DNASE1: variants seen among roughly 807,000 people sequenced by gnomAD.
The protein encoded by DNASE1 is deoxyribonuclease-1.
DNASE1 carries 40 observed loss-of-function variants against 33.9 expected under a neutral mutation model. The observed-to-expected ratio is 1.18, with a 90% CI of 0.92 to 1.54. The LOEUF (loss-of-function observed/expected upper bound fraction) is 1.54. Among genes scored for constraint, DNASE1 ranks in the 40% most tolerant of loss-of-function variants. DNASE1 has a pLI of 0.00. For synonymous variants in DNASE1, 216 were observed against 160.0 expected (o/e 1.35, Z -2.64); for missense variants, 518 against 372.6 (o/e 1.39, Z -3.21).
At chr16:3,636,078 C>T (rs975743850) in intron 1 of DNASE1, among the ~76,000 whole-genome samples, 1 of 152,076 alleles carries the variant, frequency 6.6e-6, no homozygotes, top group African/African-American at 2.4e-5. Context: ...ATATTTATGC[C>T]TTTCTAATTG....
At chr16:3,642,312 G>A (rs146364680), upstream of DNASE1, among the ~76,000 whole-genome samples, 598 of 152,348 alleles carry the variant, frequency 3.9e-3, 3 homozygotes, top group African/African-American at 0.014. Context: ...CCATCCTTGG[G>A]CACTCCTGTG....
chr16:3,662,971 CGGAAGA>C (rs1567221821), downstream of DNASE1: 1 of 1,605,852 alleles, frequency 6.2e-7, no homozygotes, highest in Non-Finnish European at 8.5e-7. Context: ...TCGGCGGCTG[CGGAAGA>C]GCAGGCGACA....
chr16:3,662,464 T>G, downstream of DNASE1: 1 of 523,904 alleles, frequency 1.9e-6, no homozygotes, highest in Middle Eastern at 2.9e-4. Flanking sequence ...GGACGCTCAT[T>G]TCTCACTCTG....
downstream of DNASE1, chr16:3,663,058 T>A (rs1233430500): frequency 1.1e-5 from 11 of 971,324 alleles, no homozygotes; most frequent in Admixed American, 1.0e-4. Context: ...AGCTCCCACC[T>A]CCTCTCCCAC....
intron 2 of DNASE1, 108 bp downstream of exon 2, chr16:3,655,628 GCAC>G: frequency 6.5e-7 from 1 of 1,540,588 alleles, no homozygotes; most frequent in South Asian, 1.1e-5. Flanking sequence ...GGGGTACTGA[GCAC>G]CACTGCTCCC....
At chr16:3,646,843 C>T (rs556227980) in intron 1 of DNASE1, among the ~76,000 whole-genome samples, 5 of 151,854 alleles carry the variant, frequency 3.3e-5, no homozygotes, top group African/African-American at 4.8e-5. Context: ...GTGCATGGTG[C>T]GGGCGGGGCT....
At chr16:3,643,857 G>C (rs1214098988) in intron 1 of DNASE1, among the ~76,000 whole-genome samples, 1 of 152,130 alleles carries the variant, frequency 6.6e-6, no homozygotes, top group Non-Finnish European at 1.5e-5. Context: ...TGCCATCCGG[G>C]TTCACGCCAT....
At chr16:3,645,326 C>T (rs560385087) in intron 1 of DNASE1, among the ~76,000 whole-genome samples, 1 of 152,146 alleles carries the variant, frequency 6.6e-6, no homozygotes, top group Non-Finnish European at 1.5e-5. Flanking sequence ...GAGGTGGCTT[C>T]GGAATTGGGG....
At chr16:3,655,670 G>A (rs2042558912) in intron 2 of DNASE1, 150 bp downstream of exon 2, 1 of 1,432,836 alleles carries the variant, frequency 7.0e-7, no homozygotes, top group Admixed American at 1.8e-5. Flanking sequence ...CTTGGCTGTG[G>A]ACCAAGGTCC....
chr16:3,649,577 T>G (rs1231507322), intron 1 of DNASE1, among the ~76,000 whole-genome samples: 2 of 152,218 alleles, frequency 1.3e-5, no homozygotes, highest in Non-Finnish European at 2.9e-5. Flanking sequence ...TTATATTCAG[T>G]AAAGTAGGAA....
At chr16:3,662,725 C>T (rs569106160), downstream of DNASE1, 24 of 728,556 alleles carry the variant, frequency 3.3e-5, no homozygotes, top group Middle Eastern at 4.5e-4. Flanking sequence ...CCGAGCAACA[C>T]GTGCCGAGCA....
intron 1 of DNASE1, among the ~76,000 whole-genome samples, chr16:3,649,667 A>G (rs1247030711): frequency 6.6e-6 from 1 of 152,214 alleles, no homozygotes; most frequent in Non-Finnish European, 1.5e-5. Context: ...TTAAGGTTCA[A>G]TAATTATTTT....
chr16:3,663,369 G>A (rs2050733230), exon 10 of DNASE1: 2 of 1,606,896 alleles, frequency 1.2e-6, no homozygotes, highest in African/African-American at 1.3e-5. Flanking sequence ...CGGGGCAGGA[G>A]AGGCGTGCGG....
At chr16:3,634,714 T>C (rs1403150342) in intron 1 of DNASE1, among the ~76,000 whole-genome samples, 1 of 151,564 alleles carries the variant, frequency 6.6e-6, no homozygotes, top group Non-Finnish European at 1.5e-5. Flanking sequence ...AGGGTCTCGC[T>C]ATGTTGCCCA....
upstream of DNASE1, chr16:3,651,237 C>G (rs1009681598): frequency 6.6e-6 from 1 of 152,164 alleles, no homozygotes; most frequent in Non-Finnish European, 1.5e-5. Flanking sequence ...TAATTTCAGC[C>G]AAATCAGAGC....
chr16:3,622,451 G>C (rs1186762447), intron 1 of DNASE1, among the ~76,000 whole-genome samples: 1 of 152,154 alleles, frequency 6.6e-6, no homozygotes, highest in South Asian at 2.1e-4. Flanking sequence ...ATGTTTGTGG[G>C]CTTTGCATTC....
chr16:3,617,061 G>A (rs1485828964), intron 1 of DNASE1, among the ~76,000 whole-genome samples: 1 of 152,002 alleles, frequency 6.6e-6, no homozygotes. Context: ...ACAAGGGTAG[G>A]CTGGGCGTGG....
At position 3,656,267 on chromosome 16, in the gene DNASE1, T is replaced by C. The variant is rs2042609870; in HGVS notation, c.320+82T>C. 2.1e-6 allele frequency: 3 copies of C among 1,449,684 alleles called. No homozygotes were observed. In the South Asian group the frequency reaches 3.4e-5, roughly 17 times the overall value. The allele number at this position is 1,449,684 out of a possible 1,614,324, so 89.8% of individuals were successfully genotyped here. On this transcript the variant is annotated intron_variant, in intron 4 of 8. Transcript: ENST00000246949. The stretch of plus-strand genomic sequence containing the variant: ...GCAGGGAAGTAGTTTGTCCTATTAG[T>C]TTGTCCTATGGCAAGAACCTGAGGC...
chr16:3,624,074 C>A (rs7185802), intron 1 of DNASE1, among the ~76,000 whole-genome samples: 5 of 151,762 alleles, frequency 3.3e-5, no homozygotes, highest in African/African-American at 1.2e-4. Flanking sequence ...CACTTGAGTG[C>A]AAGACCAGCC....
Sources: allele counts gnomAD v4.1 joint callset (sites outside exome capture counted in the v4.1 genomes callset), GRCh38; gene constraint gnomAD v4.1.1; transcripts MANE v1.5; gene names NCBI Gene and HGNC (gene_info 2026-07-23, HGNC 2026-07-21).